The following ANKH variants were observed in gnomAD, a reference collection of about 807,000 sequenced individuals.
The protein encoded by ANKH is mineralization regulator ANKH.
In ANKH, 15 loss-of-function variants were observed where a neutral mutation model predicts 49.0. The ratio of observed to expected loss-of-function variants is 0.31; its 90% confidence interval spans 0.20 to 0.47. ANKH has a LOEUF of 0.47. Ranked by LOEUF, ANKH falls within the 20% of genes least tolerant of loss-of-function variation. ANKH has a pLI of 1.00. For synonymous variants in ANKH, 273 were observed against 260.0 expected, an observed-to-expected ratio of 1.05 and a Z score of -0.48; for missense variants, 429 against 652.0, an observed-to-expected ratio of 0.66 and a Z score of 3.72.
At chr5:14,718,611 G>A (rs1737561615) in intron 8 of ANKH, among the ~76,000 whole-genome samples, 1 of 152,122 alleles carries the variant, frequency 6.6e-6, no homozygotes, top group Admixed American at 6.5e-5. Context: ...AGGAGTTCGA[G>A]ACCAGCCTGG....
rs1177982922 is a variant in ANKH, at chr5:14,837,107, CA to C, written c.96+34244del. ...CTGGATCCCTTCCTTACACCTTATACAAAAATTAATTCAAGATGGATTAAAG... is the reference window on the plus strand; with the variant it reads ...CTGGATCCCTTCCTTACACCTTATACAAAATTAATTCAAGATGGATTAAAG... On this transcript the variant is annotated intron_variant, in intron 1 of 11. Transcript: ENST00000284268. Among the ~76,000 whole-genome samples, 81 of 152,136 alleles carry C rather than the reference CA, an allele frequency of 5.3e-4. 1 individual carries two copies. The highest frequency in any genetic ancestry group is 5.3e-3 in the Admixed American group (81 of 15,272).
intron 1 of ANKH, among the ~76,000 whole-genome samples, chr5:14,800,727 C>CTTTTTTTTTT (rs901835855): frequency 1.5e-5 from 2 of 135,312 alleles, no homozygotes; most frequent in Non-Finnish European, 1.6e-5. Context: ...CATTTTTTTT[C>CTTTTTTTTTT]TTTTTTTTTT....
chr5:14,846,872 G>C (rs1447200728), intron 1 of ANKH, among the ~76,000 whole-genome samples: 1 of 152,038 alleles, frequency 6.6e-6, no homozygotes, highest in East Asian at 1.9e-4. Context: ...GCCAGGCATG[G>C]TGTTATGCAC....
intron 1 of ANKH, among the ~76,000 whole-genome samples, chr5:14,804,699 C>T (rs1396519124): frequency 6.6e-6 from 1 of 152,158 alleles, no homozygotes; most frequent in Admixed American, 6.5e-5. Context: ...TAGGTTTACA[C>T]CTAGAGTTGA....
intron 1 of ANKH, among the ~76,000 whole-genome samples, chr5:14,855,668 C>A (rs1225322031): frequency 1.3e-5 from 2 of 152,032 alleles, no homozygotes; most frequent in African/African-American, 4.8e-5. Context: ...ACATGGTAGT[C>A]ACCCTCTCCC....
intron 1 of ANKH, among the ~76,000 whole-genome samples, chr5:14,792,838 G>A (rs934739242): frequency 2.0e-5 from 3 of 150,056 alleles, no homozygotes; most frequent in African/African-American, 4.9e-5. Flanking sequence ...TTAGCCAGAT[G>A]TGGTGGCAGA....
chr5:14,772,392 C>T (rs1739474293), intron 1 of ANKH, among the ~76,000 whole-genome samples: 1 of 152,096 alleles, frequency 6.6e-6, no homozygotes, highest in Non-Finnish European at 1.5e-5. Context: ...GCCGTAGGAA[C>T]TCATTATCAT....
chr5:14,793,007 A>AAT (rs1554006420), intron 1 of ANKH, among the ~76,000 whole-genome samples: 91 of 79,654 alleles, frequency 1.1e-3, no homozygotes, highest in African/African-American at 3.8e-3. Flanking sequence ...TATATATATA[A>AAT]ATATATATAT....
intron 1 of ANKH, 28 bp downstream of exon 1, chr5:14,871,324 G>A (rs769393857): frequency 1.9e-6 from 3 of 1,598,872 alleles, no homozygotes; most frequent in Non-Finnish European, 2.6e-6. Context: ...CAGGGCGAGC[G>A]GGCGTGGGGC....
intron 8 of ANKH, among the ~76,000 whole-genome samples, chr5:14,719,606 C>T (rs1737599330): frequency 6.6e-6 from 1 of 152,204 alleles, no homozygotes; most frequent in African/African-American, 2.4e-5. Context: ...GTGAAATACA[C>T]AGAAGGCTAA....
At chr5:14,760,841 A>AT (rs1405927778) in intron 2 of ANKH, among the ~76,000 whole-genome samples, 4 of 152,224 alleles carry the variant, frequency 2.6e-5, no homozygotes, top group Non-Finnish European at 5.9e-5. Flanking sequence ...GGACTATGGA[A>AT]TTGGTGAAAG....
intron 1 of ANKH, among the ~76,000 whole-genome samples, chr5:14,789,137 A>T (rs1042491926): frequency 2.0e-5 from 3 of 152,154 alleles, no homozygotes; most frequent in Non-Finnish European, 4.4e-5. Context: ...CTGAGGCAGG[A>T]GAATCGCTTG....
At chr5:14,736,169 T>C (rs949989350) in intron 8 of ANKH, among the ~76,000 whole-genome samples, 1 of 152,128 alleles carries the variant, frequency 6.6e-6, no homozygotes, top group African/African-American at 2.4e-5. Context: ...CTGCCTCAAG[T>C]GACAGCAACA....
chr5:14,867,155 C>CAA (rs774841903), intron 1 of ANKH, among the ~76,000 whole-genome samples: 6,814 of 67,912 alleles, frequency 0.1, 339 homozygotes, highest in East Asian at 0.3. Context: ...GACTCAGTCT[C>CAA]AAAAAAAAAA....
chr5:14,845,198 C>G (rs1741921857), intron 1 of ANKH, among the ~76,000 whole-genome samples: 1 of 152,026 alleles, frequency 6.6e-6, no homozygotes, highest in South Asian at 2.1e-4. Flanking sequence ...TGTTTGATCT[C>G]TTTATTTAAC....
intron 1 of ANKH, among the ~76,000 whole-genome samples, chr5:14,810,939 C>T (rs758538508): frequency 6.6e-6 from 1 of 151,962 alleles, no homozygotes; most frequent in African/African-American, 2.4e-5. Context: ...TCATTTCCAT[C>T]GTGACAAAAT....
rs538658818 is a variant in ANKH, at chr5:14,848,722, T to C, written c.96+22630A>G. Among the ~76,000 whole-genome samples, 4 of 152,246 alleles carry C rather than the reference T, an allele frequency of 2.6e-5. No individual in the cohort carries two copies. The South Asian group carries it at 8.3e-4, about 32-fold the overall frequency. ...GAACACTAGTTGCTGGGTTCCACGG[T>C]TCTCTTCCGTGACCCACGGCTTCTA... On this transcript the variant is annotated intron_variant, in intron 1 of 11. Transcript: ENST00000284268.
At chr5:14,835,554 C>T (rs984851663) in intron 1 of ANKH, among the ~76,000 whole-genome samples, 14 of 152,180 alleles carry the variant, frequency 9.2e-5, no homozygotes, top group Admixed American at 5.2e-4. Flanking sequence ...AACTCTGATG[C>T]TGGGTTACTA....
chr5:14,861,448 T>C (rs1422970340), intron 1 of ANKH, among the ~76,000 whole-genome samples: 1 of 152,202 alleles, frequency 6.6e-6, no homozygotes, highest in Admixed American at 6.5e-5. Flanking sequence ...TTTGAAGCCA[T>C]CTTTGAAACT....
Sources: gnomAD v4.1 joint callset for allele counts (sites outside exome capture counted in the v4.1 genomes callset) on GRCh38, gnomAD v4.1.1 for gene constraint, MANE v1.5 for transcripts, NCBI Gene and HGNC (gene_info 2026-07-23, HGNC 2026-07-21) for gene names.